DROSHA: variants seen among roughly 807,000 people sequenced by gnomAD.
DROSHA encodes the protein ribonuclease 3.
In DROSHA, 56 loss-of-function variants were observed where a neutral mutation model predicts 181.9. That is an observed-to-expected ratio of 0.31 (90% confidence interval 0.25 to 0.38). The LOEUF is 0.38. Among genes scored for constraint, DROSHA ranks in the 10% least tolerant of loss-of-function variants. The probability of loss-of-function intolerance (pLI) is 1.00; values close to 1 mark genes in which losing one functional copy is unlikely to be tolerated. For missense variants in DROSHA, 1,218 were observed against 1,743.5 expected (o/e 0.70, Z 5.37); for synonymous variants, 524 against 591.2 (o/e 0.89, Z 1.65).
intron 23 of DROSHA, 46 bp from the exon 24 acceptor site, chr5:31,437,344 T>TGGGGGGGGGGGGGGGGGGGGGGGG: frequency 6.7e-7 from 1 of 1,496,674 alleles, no homozygotes; most frequent in Non-Finnish European, 9.0e-7. Context: ...ATATTAACAC[T>TGGGGGGGGGGGGGGGGGGGGGGGG]CCCCCCCACC....
chr5:31,411,013 G>A lies in DROSHA; in HGVS notation c.3526-126C>T, dbSNP rs563552726. 1.7e-5 allele frequency: 23 copies of A among 1,346,370 alleles called. No individual in the cohort carries two copies. The African/African-American group carries it at 3.1e-4, about 18-fold the overall frequency. 83.4% of individuals were successfully genotyped at this position (1,346,370 alleles called of 1,614,324 possible). ...GGACACCAAAATAAGTGAGGTCTAT[G>A]GCCTCAACCATCACCCAGATGACAG... On this transcript the variant is annotated intron_variant, in intron 30 of 35. Transcript: ENST00000344624. The surrounding 1 kb of genome is among the most constrained non-coding windows in gnomAD (Gnocchi z 4.2).
chr5:31,452,920 G>A (rs1302917300), intron 20 of DROSHA, among the ~76,000 whole-genome samples: 20 of 152,206 alleles, frequency 1.3e-4, no homozygotes. Flanking sequence ...GCTTTTATAA[G>A]TGCTGTGCTG....
chr5:31,446,662 G>A (rs1309912240), intron 23 of DROSHA, among the ~76,000 whole-genome samples: 2 of 142,658 alleles, frequency 1.4e-5, no homozygotes, highest in African/African-American at 5.4e-5. Context: ...CATAGCAAGA[G>A]CCCTGTCTCT....
intron 9 of DROSHA, among the ~76,000 whole-genome samples, chr5:31,510,052 A>AG (rs1356185784): frequency 0.022 from 275 of 12,602 alleles, no homozygotes; most frequent in African/African-American, 0.097. Context: ...CCACAATTTG[A>AG]AAAAAAAAAA....
intron 6 of DROSHA, among the ~76,000 whole-genome samples, chr5:31,517,461 G>T (rs897577044): frequency 1.3e-5 from 2 of 152,008 alleles, no homozygotes; most frequent in Non-Finnish European, 2.9e-5. Flanking sequence ...CAAGGTGTAA[G>T]GCAGAAATCT....
At chr5:31,458,191 ACTTATGAT>A (rs1262597643) in intron 20 of DROSHA, among the ~76,000 whole-genome samples, 4 of 152,152 alleles carry the variant, frequency 2.6e-5, no homozygotes, top group African/African-American at 4.8e-5. Context: ...TGAAAATTCA[ACTTATGAT>A]CTTATGATAT....
At chr5:31,425,459 G>A (rs1490660228) in intron 27 of DROSHA, among the ~76,000 whole-genome samples, 4 of 151,984 alleles carry the variant, frequency 2.6e-5, no homozygotes, top group Non-Finnish European at 2.9e-5. Context: ...TATATTGATT[G>A]TTCTTACCTT....
At chr5:31,440,418 A>T (rs1745429599) in intron 23 of DROSHA, among the ~76,000 whole-genome samples, 1 of 152,252 alleles carries the variant, frequency 6.6e-6, no homozygotes, top group Non-Finnish European at 1.5e-5. Context: ...TTAGCTACAA[A>T]ATCATCTACT....
intron 17 of DROSHA, among the ~76,000 whole-genome samples, chr5:31,468,293 T>C (rs1749330502): frequency 6.6e-6 from 1 of 152,244 alleles, no homozygotes; most frequent in African/African-American, 2.4e-5. Context: ...ATTTTGTCCT[T>C]TTTTGCAGTC....
chr5:31,417,854 C>G (rs1201941318), intron 30 of DROSHA, among the ~76,000 whole-genome samples: 3 of 152,088 alleles, frequency 2.0e-5, no homozygotes, highest in African/African-American at 7.2e-5. Context: ...CCTTTGACTA[C>G]AGCATGTAAA....
At chr5:31,463,217 T>C (rs1254094417) in intron 20 of DROSHA, among the ~76,000 whole-genome samples, 1 of 152,196 alleles carries the variant, frequency 6.6e-6, no homozygotes, top group Non-Finnish European at 1.5e-5. Flanking sequence ...GCTACCACTG[T>C]AGATGATTAC....
chr5:31,448,191 A>T (rs1399708312), intron 23 of DROSHA, among the ~76,000 whole-genome samples: 1 of 152,256 alleles, frequency 6.6e-6, no homozygotes, highest in East Asian at 1.9e-4. Flanking sequence ...AAGTATTGAC[A>T]CATACTATAC....
intron 4 of DROSHA, among the ~76,000 whole-genome samples, chr5:31,527,152 C>G (rs1412858182): frequency 6.6e-6 from 1 of 152,086 alleles, no homozygotes; most frequent in Non-Finnish European, 1.5e-5. Flanking sequence ...AGTCCCTGGA[C>G]CGACCATTCC....
chr5:31,507,629 A>T (rs1198921373), intron 10 of DROSHA, among the ~76,000 whole-genome samples: 1 of 152,124 alleles, frequency 6.6e-6, no homozygotes, highest in Non-Finnish European at 1.5e-5. Context: ...AAAAACAAAA[A>T]AACAAAAAAA....
At chr5:31,515,310 T>A in intron 7 of DROSHA, 91 bp from the exon 8 acceptor site, 2 of 1,385,374 alleles carry the variant, frequency 1.4e-6, no homozygotes, top group Non-Finnish European at 2.0e-6. Flanking sequence ...ATTTTTCACC[T>A]AAAATATGAA....
In DROSHA at chr5:31,464,071, C is replaced by A. The variant is rs900319701; in HGVS notation, c.2574+165G>T. ...CACACACCAGCATCAAAACAGACAA[C>A]AAAAACAAAATCCAAATAATAGAAA... On this transcript the variant is annotated intron_variant, in intron 20 of 35. Coordinates refer to ENST00000344624, the MANE Select transcript of DROSHA (RefSeq NM_001382508.1). 285 of 678,694 alleles carry A rather than the reference C, an allele frequency of 4.2e-4. 2 individuals carry two copies. The highest frequency in any genetic ancestry group is 1.7e-3 in the South Asian group (85 of 50,246). 42.0% of individuals were successfully genotyped at this position (678,694 alleles called of 1,614,324 possible).
chr5:31,439,361 C>G (rs1269903561), intron 23 of DROSHA, among the ~76,000 whole-genome samples: 1 of 152,178 alleles, frequency 6.6e-6, no homozygotes, highest in Non-Finnish European at 1.5e-5. Context: ...GCCATGTGGG[C>G]TACCAGATCG....
In DROSHA at chr5:31,446,574, T is replaced by G. The variant is rs2150012223; in HGVS notation, c.2882+1973A>C. On this transcript the variant is annotated intron_variant, in intron 23 of 35. Coordinates refer to ENST00000344624, the MANE Select transcript of DROSHA (RefSeq NM_001382508.1). ...AACTATAAAACATTATTGAAAAAAT[T>G]TAAAAAGACAGATAAATGGAAAGAC... 1.3e-5 allele frequency among the ~76,000 whole-genome samples: 2 copies of G among 150,572 alleles called. 1 individual carries two copies. The highest frequency in any genetic ancestry group is 4.2e-4 in the South Asian group (2 of 4,786).
intron 20 of DROSHA, among the ~76,000 whole-genome samples, chr5:31,453,222 G>T (rs541086689): frequency 1.3e-5 from 2 of 152,162 alleles, no homozygotes; most frequent in African/African-American, 4.8e-5. Flanking sequence ...TTGAGACAGG[G>T]TCTCACTCTG....
Sources: allele counts gnomAD v4.1 joint callset (sites outside exome capture counted in the v4.1 genomes callset), GRCh38; gene constraint gnomAD v4.1.1; non-coding constraint Gnocchi (gnomAD v3.1); transcripts MANE v1.5; gene names NCBI Gene and HGNC (gene_info 2026-07-23, HGNC 2026-07-21).